The following MTUS1 variants were observed in gnomAD, a reference collection of about 807,000 sequenced individuals.
MTUS1 encodes microtubule-associated tumor suppressor 1.
Under a neutral mutation model 120.8 loss-of-function variants are expected in MTUS1, and 109 were observed. That is an observed-to-expected ratio of 0.90 (90% CI 0.77 to 1.06). MTUS1 has a LOEUF of 1.06. Among genes scored for constraint, MTUS1 ranks in the 50% least tolerant of loss-of-function variants. The pLI is 0.00. For missense variants in MTUS1, 2,210 were observed against 1,486.3 expected (o/e 1.49, Z -8.01); for synonymous variants, 737 against 550.5 (o/e 1.34, Z -4.74).
At position 17,670,567 on chromosome 8, in the gene MTUS1, T is replaced by C. The variant is rs9657485; in HGVS notation, c.2905+4619A>G. Among the ~76,000 whole-genome samples, 1,425 of 152,284 alleles carry C rather than the reference T, an allele frequency of 9.4e-3. 22 individuals carry two copies. The highest frequency in any genetic ancestry group is 0.031 in the African/African-American group (1,305 of 41,556). On this transcript the variant is annotated intron_variant, in intron 8 of 14. Coordinates refer to ENST00000693296, the MANE Select transcript of MTUS1 (RefSeq NM_001363059.2). ...GACCAGGTGCCATGGCTCACATCTG[T>C]AATCCCAGCACTTTGGGAGGCCGAG...
intron 6 of MTUS1, chr8:17,691,386 T>C (rs547264889): frequency 2.0e-5 from 3 of 152,274 alleles, no homozygotes; most frequent in Non-Finnish European, 4.4e-5. Context: ...CAGATATTCA[T>C]GTCACGGCAA....
chr8:17,758,026 A>G (rs1378212874), intron 1 of MTUS1: 2 of 152,018 alleles, frequency 1.3e-5, no homozygotes, highest in Admixed American at 6.5e-5. Context: ...CACTTGAACT[A>G]ATTTTCTAAT....
chr8:17,668,794 GAT>G (rs887148760), intron 8 of MTUS1, among the ~76,000 whole-genome samples: 6 of 152,018 alleles, frequency 3.9e-5, no homozygotes, highest in Admixed American at 2.0e-4. Context: ...CCCAGTACCC[GAT>G]AGTTATTTTT....
At position 17,787,360 on chromosome 8, in the gene MTUS1, G is replaced by C. The variant is rs188548628; in HGVS notation, c.-155+13701C>G. Among the ~76,000 whole-genome samples, 13 of 152,318 alleles carry C rather than the reference G, an allele frequency of 8.5e-5. No homozygotes were observed. In the East Asian group the frequency reaches 2.5e-3, roughly 29 times the overall value. ...CATTCCCCCATCCCTCCTCCTCTGA[G>C]ATGCTAAACCTGATGTTTCCAGAAG... On this transcript the variant is annotated intron_variant, in intron 1 of 14. Transcript: ENST00000693296.
At chr8:17,727,786 G>A (rs982849201) in intron 3 of MTUS1, among the ~76,000 whole-genome samples, 4 of 152,186 alleles carry the variant, frequency 2.6e-5, no homozygotes, top group African/African-American at 9.7e-5. Context: ...TTTATTTTAA[G>A]CTCGTGCACT....
chr8:17,716,077 C>T (rs752714996), intron 4 of MTUS1, among the ~76,000 whole-genome samples, 176 bp from the exon 5 acceptor site: 3 of 152,116 alleles, frequency 2.0e-5, no homozygotes, highest in Non-Finnish European at 2.9e-5. Context: ...CTCAGGGATG[C>T]GAAATAAAGG....
chr8:17,728,178 A>G (rs975361958), intron 3 of MTUS1, among the ~76,000 whole-genome samples: 1 of 152,182 alleles, frequency 6.6e-6, no homozygotes, highest in African/African-American at 2.4e-5. Flanking sequence ...CAATGGGTAG[A>G]AAGTTCCAGT....
rs182590222 is a variant in MTUS1, at chr8:17,710,868, C to T, written c.2623+2346G>A. 1.8e-4 allele frequency among the ~76,000 whole-genome samples: 27 copies of T among 152,330 alleles called. No homozygotes were observed. The East Asian group carries it at 5.0e-3, about 28-fold the overall frequency. ...TGTTAGCAGGTGTGAAAACATCCATCTTCCTGTACTATACTCTTGTACTAT... is the reference window on the plus strand; with the variant it reads ...TGTTAGCAGGTGTGAAAACATCCATTTTCCTGTACTATACTCTTGTACTAT... On this transcript the variant is annotated intron_variant, in intron 6 of 14. Coordinates refer to ENST00000693296, the MANE Select transcript of MTUS1 (RefSeq NM_001363059.2).
intron 7 of MTUS1, among the ~76,000 whole-genome samples, chr8:17,682,215 T>G (rs1814684146): frequency 6.6e-6 from 1 of 152,046 alleles, no homozygotes; most frequent in Non-Finnish European, 1.5e-5. Context: ...TAATGATTGG[T>G]TAAAAAGGTG....
chr8:17,730,468 G>A (rs767750160), intron 3 of MTUS1, among the ~76,000 whole-genome samples: 4 of 138,318 alleles, frequency 2.9e-5, no homozygotes, highest in African/African-American at 1.1e-4. Flanking sequence ...CTGGGCAAGA[G>A]AGCAAGACTC....
At position 17,724,528 on chromosome 8, in the gene MTUS1, CACAG is replaced by C. The variant is rs955525624; in HGVS notation, c.2288-699_2288-696del. The stretch of plus-strand genomic sequence containing the variant: ...CTCACCTTTTCTTCTTTACTCCCCA[CACAG>C]TTTATTTGCCAAACTTAAATGATCT... On this transcript the variant is annotated intron_variant, in intron 3 of 14. Transcript: ENST00000693296. Among the ~76,000 whole-genome samples, 7 of 137,128 alleles carry C rather than the reference CACAG, an allele frequency of 5.1e-5. No homozygotes were observed. In the East Asian group the frequency reaches 2.3e-3, roughly 45 times the overall value. 90.0% of individuals were successfully genotyped at this position (137,128 alleles called of 152,430 possible). A position where few individuals can be genotyped will look rare whatever the true frequency, so the allele number is the denominator to read the frequency against.
chr8:17,676,121 A>G, intron 7 of MTUS1: 1 of 618,330 alleles, frequency 1.6e-6, no homozygotes, highest in Middle Eastern at 2.5e-4. Flanking sequence ...CGGAGCTCCC[A>G]CCACATCCTG....
intron 1 of MTUS1, among the ~76,000 whole-genome samples, chr8:17,788,101 ACAAGAGCAAAACTC>A (rs751237517): frequency 3.9e-5 from 6 of 152,196 alleles, no homozygotes; most frequent in Non-Finnish European, 7.3e-5. Context: ...AGCCTGGGCA[ACAAGAGCAAAACTC>A]CATCTCAAAA....
intron 1 of MTUS1, among the ~76,000 whole-genome samples, chr8:17,799,903 C>T (rs1431506210): frequency 6.6e-6 from 1 of 151,688 alleles, no homozygotes; most frequent in Non-Finnish European, 1.5e-5. Flanking sequence ...CTAATCTTTT[C>T]TTTGTATAGC....
At chr8:17,707,895 G>C (rs1261002919) in intron 6 of MTUS1, among the ~76,000 whole-genome samples, 1 of 152,284 alleles carries the variant, frequency 6.6e-6, no homozygotes, top group East Asian at 1.9e-4. Flanking sequence ...TTCAACACCT[G>C]GATGTCCATG....
chr8:17,755,160 C>T lies in MTUS1; in HGVS notation c.648G>A (p.Thr216=), dbSNP rs760600748. ...STWTSSHSDK[T]HARETTYDRE... is the part of the protein sequence containing the mutation. ...TATCATAAGTAGTTTCTCTTGCATG[C>T]GTCTTATCAGAATGGGAAGATGTCC... Residue 216 remains threonine, a synonymous_variant, in exon 2 of 15, where the codon ACG becomes ACA. Transcript: ENST00000693296. 3.5e-5 allele frequency: 57 copies of T among 1,613,970 alleles called. No individual in the cohort carries two copies. Among genetic ancestry groups the T allele is most frequent in the Middle Eastern group, 3.3e-4 (2 of 6,084 alleles).
In MTUS1 at chr8:17,658,683, T is replaced by C. The variant is rs143565734; in HGVS notation, c.2906-2618A>G. On this transcript the variant is annotated intron_variant, in intron 8 of 14. Coordinates refer to ENST00000693296, the MANE Select transcript of MTUS1 (RefSeq NM_001363059.2). ...CATATCAGGAGTTGAAGGAAGAAGA[T>C]TATTTTAGGGCACAGAAAAGGACAA... Among the ~76,000 whole-genome samples the C allele has an allele frequency of 2.9e-3, 440 of 152,308 alleles. 3 individuals are homozygous for C. Among genetic ancestry groups the C allele is most frequent in the Admixed American group, 2.5e-3 (38 of 15,304 alleles).
chr8:17,716,800 C>T lies in MTUS1; in HGVS notation c.2450-899G>A, dbSNP rs968686730. Among the ~76,000 whole-genome samples the T allele has an allele frequency of 4.6e-5, 7 of 152,262 alleles. No individual in the cohort carries two copies. In the East Asian group the frequency reaches 5.8e-4, roughly 13 times the overall value. On this transcript the variant is annotated intron_variant, in intron 4 of 14. Transcript: ENST00000693296. ...CGATCTCCTGACCTCGTGATCTGCC[C>T]GCCTCAGCCTCCCAAAGTGCTGGGA... is the stretch of plus-strand genomic sequence containing the variant.
rs141514385 is a variant in MTUS1, at chr8:17,777,651, T to C, written c.-154-21690A>G. On this transcript the variant is annotated intron_variant, in intron 1 of 14. Transcript: ENST00000693296. Reference sequence around the variant, plus strand: ...GGTTAGATTGCCTCACTGACTTGGTTCCTGAGAACCTGCCAGACACTAAGT... The same window carrying C: ...GGTTAGATTGCCTCACTGACTTGGTCCCTGAGAACCTGCCAGACACTAAGT... Among the ~76,000 whole-genome samples, 3 of 152,246 alleles carry C rather than the reference T, an allele frequency of 2.0e-5. No homozygotes were observed. In the East Asian group the frequency reaches 5.8e-4, roughly 29 times the overall value.
Sources: allele counts gnomAD v4.1 joint callset (sites outside exome capture counted in the v4.1 genomes callset), GRCh38; gene constraint gnomAD v4.1.1; transcripts MANE v1.5; gene names NCBI Gene and HGNC (gene_info 2026-07-23, HGNC 2026-07-21).